KRT5: variants seen among roughly 807,000 people sequenced by gnomAD.
KRT5 encodes the protein keratin 5, also known as keratin, type II cytoskeletal 5.
In KRT5, 17 loss-of-function variants were observed where a neutral mutation model predicts 44.0. That is an observed-to-expected ratio of 0.39 (90% CI 0.26 to 0.58). The LOEUF is 0.58. Among genes scored for constraint, KRT5 ranks in the 20% least tolerant of loss-of-function variants. The probability of loss-of-function intolerance (pLI) is 0.61; values close to 1 mark genes in which losing one functional copy is unlikely to be tolerated. For missense variants in KRT5, 737 were observed against 785.5 expected (o/e 0.94, Z 0.74); for synonymous variants, 329 against 312.8 (o/e 1.05, Z -0.55).
At position 52,519,732 on chromosome 12, in the gene KRT5, C is replaced by T. The variant is rs759825894; in HGVS notation, c.555+10G>A. The T allele has an allele frequency of 2.4e-5, 38 of 1,612,520 alleles. No individual in the cohort carries two copies. The highest frequency in any genetic ancestry group is 2.7e-5 in the Non-Finnish European group (32 of 1,178,806). The stretch of plus-strand genomic sequence containing the variant: ...CCCACAGTGATTTTTTACAAAAGAT[C>T]GTAGCTCACCTTGTCGATGAAGGAG... On this transcript the variant is annotated intron_variant, in intron 1 of 8. Transcript: ENST00000252242.
intron 2 of KRT5, among the ~76,000 whole-genome samples, chr12:52,518,699 A>C (rs1448475096): frequency 2.0e-5 from 3 of 152,212 alleles, no homozygotes. Flanking sequence ...AGGTAGTGCC[A>C]AGGGCACAGA....
chr12:52,517,796 G>A (rs765046732), intron 4 of KRT5, 42 bp from the exon 5 acceptor site: 3 of 1,612,638 alleles, frequency 1.9e-6, no homozygotes, highest in Admixed American at 3.3e-5. Context: ...TCTGTGTTGT[G>A]TTATTTAATG....
rs372305341 is a variant in KRT5, at chr12:52,520,253, C to A, written c.44G>T (p.Arg15Leu). The A allele has an allele frequency of 1.4e-5, 22 of 1,613,730 alleles. No individual in the cohort carries two copies. Among genetic ancestry groups the A allele is most frequent in the Non-Finnish European group, 1.8e-5 (21 of 1,180,046 alleles). Residue 15 changes from arginine (R) to leucine (L), a missense_variant, in exon 1 of 9, where the codon CGT (arginine) becomes CTT (leucine). By Grantham distance (102) the Arg-to-Leu change is moderately radical. Transcript: ENST00000252242. The part of the protein sequence containing the change: ...SSVSFRSGGS[R>L]SFSTASAITP... ...GATGGCAGAGGCGGTGCTGAAGCTA[C>A]GACTGCCCCCGCTCCGGAAGGACAC...
Position 52,516,877 on chromosome 12 carries a change from G to C in KRT5, c.1219-20C>G, listed in dbSNP as rs760473690. The C allele has an allele frequency of 6.2e-7, 1 of 1,613,378 alleles. No individual in the cohort carries two copies. ...GGCGCACTACAGATAGAAAGGAGGA[G>C]AGTGGGGTTGCTTGGGACCTGAGGT... On this transcript the variant is annotated intron_variant, in intron 6 of 8. Transcript: ENST00000252242.
rs1938700248 is a variant in KRT5 at position 52,520,387 on chromosome 12, G to A, written c.-91C>T. The A allele has an allele frequency of 3.2e-6, 4 of 1,257,268 alleles. No homozygotes were observed. Among genetic ancestry groups the A allele is most frequent in the Admixed American group, 1.8e-5 (1 of 55,074 alleles). 77.9% of individuals were successfully genotyped at this position (1,257,268 alleles called of 1,614,324 possible). Reference sequence around the variant, plus strand: ...AGAGCTCAGCAGGACGCAGAAGGTGGCTCTGTTACCCAGGAACGGTGATGC... The same window carrying A: ...AGAGCTCAGCAGGACGCAGAAGGTGACTCTGTTACCCAGGAACGGTGATGC... On this transcript the variant is annotated 5_prime_UTR_variant, in exon 1 of 9. Transcript: ENST00000252242.
In KRT5 at chr12:52,514,758, G is replaced by T; in HGVS notation, c.*184C>A. The T allele has an allele frequency of 1.6e-6, 1 of 619,280 alleles. No individual in the cohort carries two copies. 38.4% of individuals were successfully genotyped at this position (619,280 alleles called of 1,614,324 possible). A position where few individuals can be genotyped will look rare whatever the true frequency, so the allele number is the denominator to read the frequency against. ...GATTTGAAGCAGAATATAGAACTGC[G>T]GCACGGGAGACCAGGGGCTGGGAAT... On this transcript the variant is annotated 3_prime_UTR_variant, in exon 9 of 9. Coordinates refer to ENST00000252242, the MANE Select transcript of KRT5 (RefSeq NM_000424.4).
chr12:52,518,013 G>A, intron 3 of KRT5, 21 bp from the exon 4 acceptor site: 1 of 1,611,510 alleles, frequency 6.2e-7, no homozygotes, highest in Non-Finnish European at 8.5e-7. Flanking sequence ...AGGGATGATT[G>A]GCACTGCACA....
At chr12:52,519,644 A>G in intron 1 of KRT5, 98 bp downstream of exon 1, 1 of 1,252,188 alleles carries the variant, frequency 8.0e-7, no homozygotes, top group East Asian at 2.3e-5. Context: ...GTACAACTAT[A>G]AAAGTATTTG....
At position 52,515,188 on chromosome 12, in the gene KRT5, G is replaced by T. The variant is rs538273779; in HGVS notation, c.1527C>A (p.Gly509=). ...SSGYGSGSGY[G]GGLGGGLGGG... ...CGCCAAGACCTCCACCGAGGCCACC[G>T]CCATAGCCACTGCCACTGCCATATC... Residue 509 remains glycine (G), a synonymous_variant, in exon 9 of 9, where the codon GGC becomes GGA. Coordinates refer to ENST00000252242, the MANE Select transcript of KRT5 (RefSeq NM_000424.4). The T allele has an allele frequency of 6.2e-7, 1 of 1,611,400 alleles. No individual in the cohort carries two copies. Among genetic ancestry groups the T allele is most frequent in the Non-Finnish European group, 8.5e-7 (1 of 1,179,758 alleles).
In KRT5 at chr12:52,514,889, A is replaced by G. The variant is rs1409674675; in HGVS notation, c.*53T>C. On this transcript the variant is annotated 3_prime_UTR_variant, in exon 9 of 9. Coordinates refer to ENST00000252242, the MANE Select transcript of KRT5 (RefSeq NM_000424.4). The stretch of plus-strand genomic sequence containing the variant: ...CTTGAGCAACTGCCTAGAAGAGGCA[A>G]TCTCCATGGGCTGGGTTGCTGCACT... 4 of 1,504,916 alleles carry G rather than the reference A, an allele frequency of 2.7e-6. No homozygotes were observed. Among genetic ancestry groups the G allele is most frequent in the Non-Finnish European group, 3.7e-6 (4 of 1,082,442 alleles). 93.2% of individuals were successfully genotyped at this position (1,504,916 alleles called of 1,614,324 possible).
In KRT5 at chr12:52,517,635, A is replaced by G. The variant is rs1277584163; in HGVS notation, c.1047T>C (p.Ile349=). 1 of 1,614,126 alleles carries G rather than the reference A, an allele frequency of 6.2e-7. No individual in the cohort carries two copies. Among genetic ancestry groups the G allele is most frequent in the South Asian group, 1.1e-5 (1 of 91,080 alleles). The change falls in exon 5 of 9, where the codon ATT becomes ATC. Residue 349 remains isoleucine, a synonymous_variant. Transcript: ENST00000252242. ...CGGCTTCTGTCCGGCTGCGGTTGGC[A>G]ATCTCCTCATACTGGGCCTTGACCT... The part of the protein sequence containing the change: ...IAEVKAQYEE[I]ANRSRTEAES...
chr12:52,520,204 G>A lies in KRT5; in HGVS notation c.93C>T (p.Ser31=). ...SAITPSVSRT[S]FTSVSRSGGG... is the part of the protein sequence containing the mutation. ...CCCCGGACCGGGACACGGAGGTGAA[G>A]CTGGTGCGGGAGACAGACGGGGTGA... The change falls in exon 1 of 9, where the codon AGC becomes AGT. Residue 31 remains serine (S), a synonymous_variant. Coordinates refer to ENST00000252242, the MANE Select transcript of KRT5 (RefSeq NM_000424.4). 2 of 1,614,144 alleles carry A rather than the reference G, an allele frequency of 1.2e-6. No homozygotes were observed. Among genetic ancestry groups the A allele is most frequent in the Non-Finnish European group, 1.7e-6 (2 of 1,180,006 alleles).
At chr12:52,517,453 T>C in intron 5 of KRT5, 137 bp downstream of exon 5, 1 of 1,084,552 alleles carries the variant, frequency 9.2e-7, no homozygotes, top group Non-Finnish European at 1.4e-6. Flanking sequence ...ATGGAAATTG[T>C]CTACACAGCC....
Position 52,520,099 on chromosome 12 carries a change from G to A in KRT5, c.198C>T (p.Tyr66=). 6.2e-7 allele frequency: 1 copy of A among 1,614,016 alleles called. No homozygotes were observed. The highest frequency in any genetic ancestry group is 8.5e-7 in the Non-Finnish European group (1 of 1,179,948). ...GVGGYGSRSL[Y]NLGGSKRISI... ...ATATCCTCTTGGAGCCCCCCAGGTT[G>A]TAGAGGCTCCGGCTGCCATAGCCAC... Residue 66 remains tyrosine, a synonymous_variant, in exon 1 of 9, where the codon TAC becomes TAT. Coordinates refer to ENST00000252242, the MANE Select transcript of KRT5 (RefSeq NM_000424.4).
chr12:52,518,966 C>A lies in KRT5; in HGVS notation c.750G>T (p.Leu250=), dbSNP rs1356649597. ...CTCACTTGTTCTTGAAGTCTTCCAC[C>A]AGGTCCTGCATGTTTCTCAGCTCTG... The part of the protein sequence containing the change: ...LDSELRNMQD[L]VEDFKNKYED... The change falls in exon 2 of 9, where the codon CTG becomes CTT. Residue 250 remains leucine, a synonymous_variant. Coordinates refer to ENST00000252242, the MANE Select transcript of KRT5 (RefSeq NM_000424.4). 1.2e-6 allele frequency: 2 copies of A among 1,614,192 alleles called. No homozygotes were observed. The highest frequency in any genetic ancestry group is 1.3e-5 in the African/African-American group (1 of 75,028).
intron 5 of KRT5, 35 bp from the exon 6 acceptor site, chr12:52,517,267 A>G: frequency 5.6e-6 from 9 of 1,613,434 alleles, no homozygotes; most frequent in Non-Finnish European, 6.8e-6. Context: ...GATTCTGTTT[A>G]TATGAGAATG....
intron 1 of KRT5, 173 bp downstream of exon 1, chr12:52,519,569 C>G: frequency 1.3e-6 from 1 of 756,562 alleles, no homozygotes; most frequent in Non-Finnish European, 2.3e-6. Flanking sequence ...CCCTTCCCAG[C>G]TGCCAGTCTA....
chr12:52,517,596 C>T lies in KRT5; in HGVS notation c.1086G>A (p.Gln362=). The T allele has an allele frequency of 6.2e-7, 1 of 1,614,160 alleles. No individual in the cohort carries two copies. Among genetic ancestry groups the T allele is most frequent in the Non-Finnish European group, 8.5e-7 (1 of 1,180,024 alleles). ...CAGTCATCAGAGCACCCACCTTGGT[C>T]TGATACCAGGACTCGGCTTCTGTCC... ...RSRTEAESWY[Q]TKYEELQQTA... The change falls in exon 5 of 9, where the codon CAG becomes CAA. Residue 362 remains glutamine (Q), a synonymous_variant. Coordinates refer to ENST00000252242, the MANE Select transcript of KRT5 (RefSeq NM_000424.4).
rs1938596033 is a variant in KRT5, at chr12:52,515,510, G to T, written c.1475-270C>A. ...ACTGAGGGGAGCTAGGTACTGAGGGGAGGAGCTAGGTACTGGGGGGAGCTA... is the reference window on the plus strand; with the variant it reads ...ACTGAGGGGAGCTAGGTACTGAGGGTAGGAGCTAGGTACTGGGGGGAGCTA... On this transcript the variant is annotated intron_variant, in intron 8 of 8. Coordinates refer to ENST00000252242, the MANE Select transcript of KRT5 (RefSeq NM_000424.4). 5 of 622,756 alleles carry T rather than the reference G, an allele frequency of 8.0e-6. No individual in the cohort carries two copies. The South Asian group carries it at 9.7e-5, about 12-fold the overall frequency. The allele number at this position is 622,756 out of a possible 1,614,324, so 38.6% of individuals were successfully genotyped here.
Sources: gnomAD v4.1 joint callset for allele counts (sites outside exome capture counted in the v4.1 genomes callset) on GRCh38, gnomAD v4.1.1 for gene constraint, MANE v1.5 for transcripts, NCBI Gene and HGNC (gene_info 2026-07-23, HGNC 2026-07-21) for gene names.